CT45A1: variants seen among roughly 807,000 people sequenced by gnomAD.
The protein encoded by CT45A1 is cancer/testis antigen family 45 member A1, also known as cancer/testis antigen 45-1.
At position 135,714,147 on chromosome X, in the gene CT45A1, C is replaced by G. The variant is rs189335671; in HGVS notation, c.-7+457C>G. ...GGTGGCTGTGTCCCAGACGCATGAT[C>G]GCCGCCCTGTGGGATCGCTGACGGG... On this transcript the variant is annotated intron_variant, in intron 1 of 4. Transcript: ENST00000594565. 3.3e-4 allele frequency among the ~76,000 whole-genome samples: 36 copies of G among 109,042 alleles called. No homozygotes were observed. The East Asian group carries it at 0.01, about 32-fold the overall frequency. The allele number at this position is 109,042 out of a possible 115,157, so 94.7% of individuals were successfully genotyped here.
intron 2 of CT45A1, among the ~76,000 whole-genome samples, chrX:135,719,315 G>A (rs1371787503): frequency 1.4e-5 from 1 of 73,630 alleles, no homozygotes; most frequent in Non-Finnish European, 2.6e-5. Flanking sequence ...TGTCCGTATT[G>A]GTGAATCCCT....
chrX:135,717,668 TA>T (rs2087998826), intron 1 of CT45A1, among the ~76,000 whole-genome samples: 1 of 112,492 alleles, frequency 8.9e-6, no homozygotes, highest in Non-Finnish European at 1.9e-5. Flanking sequence ...ACATCTTGAT[TA>T]AATTTATTCC....
chrX:135,712,720 G>C (rs2087941816), upstream of CT45A1, among the ~76,000 whole-genome samples: 1 of 108,305 alleles, frequency 9.2e-6, no homozygotes, highest in Admixed American at 9.9e-5. Context: ...TAGTTGAGAC[G>C]AGATTCACCA....
intron 1 of CT45A1, among the ~76,000 whole-genome samples, chrX:135,714,926 C>G (rs1428487910): frequency 1.9e-5 from 2 of 105,496 alleles, no homozygotes; most frequent in Non-Finnish European, 3.9e-5. Context: ...TTTCCTCCAG[C>G]TTTTACTGAG....
chrX:135,712,421 C>G (rs782740340), upstream of CT45A1, among the ~76,000 whole-genome samples: 1 of 109,762 alleles, frequency 9.1e-6, no homozygotes, highest in South Asian at 3.9e-4. Flanking sequence ...CCTTGGCCTC[C>G]CAAAGTGCTG....
intron 1 of CT45A1, among the ~76,000 whole-genome samples, chrX:135,717,561 G>A: frequency 9.0e-6 from 1 of 111,047 alleles, no homozygotes; most frequent in African/African-American, 3.3e-5. Context: ...AAAAAAAAAT[G>A]ATGTCTTCCA....
chrX:135,714,148 G>A (rs1470094948), intron 1 of CT45A1, among the ~76,000 whole-genome samples: 1 of 109,295 alleles, frequency 9.1e-6, no homozygotes, highest in Admixed American at 9.7e-5. Flanking sequence ...ACGCATGATC[G>A]CCGCCCTGTG....
At chrX:135,708,689 G>C (rs1393429185), upstream of CT45A1, among the ~76,000 whole-genome samples, 4 of 111,512 alleles carry the variant, frequency 3.6e-5, no homozygotes, top group Non-Finnish European at 7.5e-5. Flanking sequence ...TTAGTGGTAA[G>C]AAAGGCAAGA....
upstream of CT45A1, among the ~76,000 whole-genome samples, chrX:135,708,756 T>C (rs1234411691): frequency 1.8e-5 from 2 of 111,608 alleles, no homozygotes; most frequent in Non-Finnish European, 1.9e-5. Context: ...GACTACTAGA[T>C]TGTTAAACGT....
At chrX:135,715,450 T>C (rs2087977285) in intron 1 of CT45A1, among the ~76,000 whole-genome samples, 1 of 81,384 alleles carries the variant, frequency 1.2e-5, no homozygotes, top group Non-Finnish European at 2.2e-5. Flanking sequence ...ATAATACTTA[T>C]ATATATAATA....
At chrX:135,713,216 G>T (rs1342632636), upstream of CT45A1, among the ~76,000 whole-genome samples, 6 of 88,576 alleles carry the variant, frequency 6.8e-5, no homozygotes, top group Admixed American at 3.8e-4. Context: ...TTTTGTGTGT[G>T]TTTTTTTTTT....
upstream of CT45A1, among the ~76,000 whole-genome samples, chrX:135,710,818 T>TGTATGTCCACTTGGAAAG (rs1191099182): frequency 7.1e-5 from 8 of 112,706 alleles, no homozygotes; most frequent in African/African-American, 1.6e-4. Flanking sequence ...ATCTTCACAT[T>TGTATGTCCACTTGGAAAG]GTATGTCCAC....
upstream of CT45A1, among the ~76,000 whole-genome samples, chrX:135,712,903 C>CTTCT (rs201723433): frequency 5.8e-4 from 62 of 107,205 alleles, no homozygotes; most frequent in Middle Eastern, 4.7e-3. Flanking sequence ...TTCTTTCTTT[C>CTTCT]TTCTTTCTTT....
At chrX:135,715,370 TATA>T (rs1258842449) in intron 1 of CT45A1, among the ~76,000 whole-genome samples, 2 of 73,572 alleles carry the variant, frequency 2.7e-5, no homozygotes, top group East Asian at 7.8e-4. Flanking sequence ...TACTTATATA[TATA>T]ATACTTATAT....
At chrX:135,712,528 A>G (rs1158722398), upstream of CT45A1, among the ~76,000 whole-genome samples, 1 of 108,001 alleles carries the variant, frequency 9.3e-6, no homozygotes, top group African/African-American at 3.4e-5. Context: ...ATATTTATTT[A>G]TTTATTTATT....
upstream of CT45A1, among the ~76,000 whole-genome samples, chrX:135,708,663 G>A (rs1461398994): frequency 2.7e-5 from 3 of 111,069 alleles, no homozygotes; most frequent in African/African-American, 9.9e-5. Context: ...TATGCAACTC[G>A]CTTCGTGTTC....
chrX:135,713,671 G>A lies in CT45A1; in HGVS notation c.-26G>A, dbSNP rs111680896. 2.6e-4 allele frequency: 191 copies of A among 748,519 alleles called. No homozygotes were observed. Among genetic ancestry groups the A allele is most frequent in the East Asian group, 1.8e-3 (12 of 6,489 alleles). The allele number at this position is 748,519 out of a possible 1,213,427, so 61.7% of individuals were successfully genotyped here. ...CTTCACTGCCATTTTGTGAGGTGCT[G>A]CTGTCTCTCCTCCAGCAAGGTCAGG... On this transcript the variant is annotated 5_prime_UTR_variant, in exon 1 of 5. Coordinates refer to ENST00000594565, the MANE Select transcript of CT45A1 (RefSeq NM_001017417.3).
upstream of CT45A1, among the ~76,000 whole-genome samples, chrX:135,709,802 A>G (rs1434262059): frequency 9.0e-6 from 1 of 111,490 alleles, no homozygotes; most frequent in African/African-American, 3.3e-5. Context: ...TGGGTTCACT[A>G]GAAGCCCAAA....
chrX:135,709,044 T>C (rs1261941359), upstream of CT45A1, among the ~76,000 whole-genome samples: 19 of 111,527 alleles, frequency 1.7e-4, no homozygotes, highest in African/African-American at 5.9e-4. Context: ...CTCTTCTTTA[T>C]GACAACTACT....
Sources: gnomAD v4.1 joint callset for allele counts (sites outside exome capture counted in the v4.1 genomes callset) on GRCh38, gnomAD v4.1.1 for gene constraint, MANE v1.5 for transcripts, NCBI Gene and HGNC (gene_info 2026-07-23, HGNC 2026-07-21) for gene names.